VAV2: variants seen among roughly 807,000 people sequenced by gnomAD.
The protein encoded by VAV2 is guanine nucleotide exchange factor VAV2.
VAV2 carries 67 observed loss-of-function variants against 132.5 expected under a neutral mutation model. The observed-to-expected ratio is 0.51, with a 90% CI of 0.42 to 0.62. The LOEUF (loss-of-function observed/expected upper bound fraction) is 0.62, where lower values mean the gene tolerates loss of function less well. Among genes scored for constraint, VAV2 ranks in the 20% least tolerant of loss-of-function variants. VAV2 has a pLI of 0.00. For missense variants in VAV2, 938 were observed against 1,153.6 expected (o/e 0.81, Z 2.71); for synonymous variants, 492 against 443.5 (o/e 1.11, Z -1.37).
intron 23 of VAV2, among the ~76,000 whole-genome samples, chr9:133,776,594 T>C (rs374715666): frequency 1.3e-5 from 2 of 152,066 alleles, no homozygotes; most frequent in Non-Finnish European, 2.9e-5. Context: ...CTATTCACCA[T>C]GCAGATGGGG....
intron 2 of VAV2, among the ~76,000 whole-genome samples, chr9:133,894,376 G>A (rs930677449): frequency 9.2e-5 from 14 of 152,180 alleles, no homozygotes; most frequent in Admixed American, 5.9e-4. Context: ...CAGGAGAGGC[G>A]GCTGGGTGCA....
At position 133,775,066 on chromosome 9, in the gene VAV2, C is replaced by T. The variant is rs773488340; in HGVS notation, c.2019-15G>A. 22 of 1,587,016 alleles carry T rather than the reference C, an allele frequency of 1.4e-5. No individual in the cohort carries two copies. The highest frequency in any genetic ancestry group is 1.7e-4 in the Middle Eastern group (1 of 6,014). On this transcript the variant is annotated splice_polypyrimidine_tract_variant and intron_variant, in intron 24 of 29. Coordinates refer to ENST00000371850, the MANE Select transcript of VAV2 (RefSeq NM_001134398.2). ...TACCTGCAAACCTACAGGAGGGGGCCGGGAGGAAACGAGAGCCGCAGTGAG... is the reference window on the plus strand; with the variant it reads ...TACCTGCAAACCTACAGGAGGGGGCTGGGAGGAAACGAGAGCCGCAGTGAG...
chr9:133,966,864 T>A (rs557555396), intron 1 of VAV2, among the ~76,000 whole-genome samples: 1 of 151,748 alleles, frequency 6.6e-6, no homozygotes, highest in South Asian at 2.1e-4. Flanking sequence ...GTAAACCCTG[T>A]CTCTACTAAA....
At chr9:133,916,908 C>G (rs1163508197) in intron 2 of VAV2, among the ~76,000 whole-genome samples, 1 of 152,154 alleles carries the variant, frequency 6.6e-6, no homozygotes, top group Admixed American at 6.5e-5. Context: ...TCACCCAACC[C>G]CCTCTAAGCC....
In VAV2 at chr9:133,912,348, GA is replaced by G. The variant is rs1795954103; in HGVS notation, c.321+26754del. On this transcript the variant is annotated intron_variant, in intron 2 of 29. Coordinates refer to ENST00000371850, the MANE Select transcript of VAV2 (RefSeq NM_001134398.2). The surrounding 1 kb of genome is among the most constrained non-coding windows in gnomAD (Gnocchi z 4.3). ...GGAACATGAGACCCGGGCTGAACACGAGGCTATGTCCGTCCAAATCCCCACA... is the reference window on the plus strand; with the variant it reads ...GGAACATGAGACCCGGGCTGAACACGGGCTATGTCCGTCCAAATCCCCACA... 6.6e-6 allele frequency among the ~76,000 whole-genome samples: 1 copy of G among 152,144 alleles called. No individual in the cohort carries two copies. Among genetic ancestry groups the G allele is most frequent in the Non-Finnish European group, 1.5e-5 (1 of 68,032 alleles).
At position 133,762,452 on chromosome 9, in the gene VAV2, AC is replaced by A. The variant is rs769796282; in HGVS notation, c.*1609del. ...AAAAACCCCAAAACCAAAACACAAGACCTTTCTGACGACAGTAAACACAGGG... is the reference window on the plus strand; with the variant it reads ...AAAAACCCCAAAACCAAAACACAAGACTTTCTGACGACAGTAAACACAGGG... On this transcript the variant is annotated 3_prime_UTR_variant, in exon 30 of 30. Coordinates refer to ENST00000371850, the MANE Select transcript of VAV2 (RefSeq NM_001134398.2). This position sits in a 1 kb window ranked among gnomAD's most constrained non-coding sequence, Gnocchi z 5.0. The A allele has an allele frequency of 5.3e-5, 8 of 152,264 alleles. No individual in the cohort carries two copies. The highest frequency in any genetic ancestry group is 2.0e-4 in the Admixed American group (3 of 15,270). 9.4% of individuals were successfully genotyped at this position (152,264 alleles called of 1,614,324 possible). A position where few individuals can be genotyped will look rare whatever the true frequency, so the allele number is the denominator to read the frequency against.
At chr9:133,900,805 T>TTATTTATTTATGTATG (rs1554804226) in intron 2 of VAV2, among the ~76,000 whole-genome samples, 1 of 125,558 alleles carries the variant, frequency 8.0e-6, no homozygotes, top group African/African-American at 2.8e-5. Context: ...ATTTATTTAT[T>TTATTTATTTATGTATG]TATGTATTTT....
At chr9:133,830,528 TG>T (rs1269741046) in intron 4 of VAV2, among the ~76,000 whole-genome samples, 1 of 152,218 alleles carries the variant, frequency 6.6e-6, no homozygotes, top group Non-Finnish European at 1.5e-5. Context: ...TGCTGCCATG[TG>T]AAGAAAAGCG....
At chr9:133,818,208 T>C (rs1013967486) in intron 4 of VAV2, among the ~76,000 whole-genome samples, 2 of 149,962 alleles carry the variant, frequency 1.3e-5, no homozygotes, top group Non-Finnish European at 3.0e-5. Flanking sequence ...ACTAAAAAAA[T>C]ACAAAAAATT....
chr9:133,940,001 A>G (rs893126010), intron 1 of VAV2, among the ~76,000 whole-genome samples: 4 of 152,236 alleles, frequency 2.6e-5, no homozygotes, highest in African/African-American at 9.6e-5. Context: ...CGGAACGGCC[A>G]TCTGCCCAGT....
intron 25 of VAV2, 30 bp from the exon 26 acceptor site, chr9:133,772,076 C>CGTGAGGGCCACACGGCCCCGGCGGTCACA: frequency 1.4e-6 from 2 of 1,455,268 alleles, no homozygotes; most frequent in Non-Finnish European, 9.3e-7. Flanking sequence ...CGGCGGTCAC[C>CGTGAGGGCCACACGGCCCCGGCGGTCACA]GCGTGAGGGC....
At chr9:133,984,258 G>A (rs1037187010) in intron 1 of VAV2, among the ~76,000 whole-genome samples, 1 of 151,756 alleles carries the variant, frequency 6.6e-6, no homozygotes, top group Non-Finnish European at 1.5e-5. Flanking sequence ...ACAGGCGTGA[G>A]CCACTGTACC....
In VAV2 at chr9:133,789,247, G is replaced by A. The variant is rs780136892; in HGVS notation, c.1274+11C>T. ...GGACGCCACCCAGCCCACAACACGCGCCCTGCTCACCTGTCCTGCTTGGTG... is the reference window on the plus strand; with the variant it reads ...GGACGCCACCCAGCCCACAACACGCACCCTGCTCACCTGTCCTGCTTGGTG... On this transcript the variant is annotated intron_variant, in intron 14 of 29. Coordinates refer to ENST00000371850, the MANE Select transcript of VAV2 (RefSeq NM_001134398.2). 1.8e-5 allele frequency: 29 copies of A among 1,613,508 alleles called. No individual in the cohort carries two copies. The highest frequency in any genetic ancestry group is 1.6e-4 in the Middle Eastern group (1 of 6,062).
At chr9:133,982,586 G>A (rs867993013) in intron 1 of VAV2, among the ~76,000 whole-genome samples, 9 of 152,170 alleles carry the variant, frequency 5.9e-5, no homozygotes, top group Admixed American at 1.3e-4. Flanking sequence ...GCAGGAGGGC[G>A]CGGCAGACTC....
intron 2 of VAV2, among the ~76,000 whole-genome samples, chr9:133,886,029 G>A (rs926616720): frequency 1.7e-4 from 26 of 152,180 alleles, no homozygotes; most frequent in African/African-American, 5.1e-4. Context: ...TCCCATCTCC[G>A]TACTGACAGC....
intron 2 of VAV2, among the ~76,000 whole-genome samples, chr9:133,915,818 TCA>T (rs532235696): frequency 0.12 from 3,936 of 32,698 alleles, 171 homozygotes; most frequent in African/African-American, 0.22. Flanking sequence ...ACACATGCAC[TCA>T]CACACGCACA....
At position 133,769,364 on chromosome 9, in the gene VAV2, C is replaced by T. The variant is rs1833538735; in HGVS notation, c.2434+53G>A. 1.3e-6 allele frequency: 2 copies of T among 1,555,812 alleles called. No individual in the cohort carries two copies. Reference sequence around the variant, plus strand: ...AGTGGGCAGCTCCGTGCTGGGTCTCCCAAGGCAGCTGCCACAGGCCCGGTC... The same window carrying T: ...AGTGGGCAGCTCCGTGCTGGGTCTCTCAAGGCAGCTGCCACAGGCCCGGTC... On this transcript the variant is annotated intron_variant, in intron 28 of 29. Transcript: ENST00000371850. The surrounding 1 kb of genome is among the most constrained non-coding windows in gnomAD (Gnocchi z 8.1).
intron 1 of VAV2, among the ~76,000 whole-genome samples, chr9:133,984,907 C>CAAAAAAAAAAAAAAAAAAAAAA (rs35866348): frequency 7.8e-6 from 1 of 128,810 alleles, no homozygotes. Flanking sequence ...GGCCCTATCT[C>CAAAAAAAAAAAAAAAAAAAAAA]AAAAAAAAAA....
intron 1 of VAV2, among the ~76,000 whole-genome samples, chr9:133,943,111 AG>A (rs57099166): frequency 0.028 from 4,236 of 152,360 alleles, 180 homozygotes; most frequent in African/African-American, 0.084. Context: ...GACATCGGCC[AG>A]GGCAAAGGCC....
Sources: allele counts gnomAD v4.1 joint callset (sites outside exome capture counted in the v4.1 genomes callset), GRCh38; gene constraint gnomAD v4.1.1; non-coding constraint Gnocchi (gnomAD v3.1); transcripts MANE v1.5; gene names NCBI Gene and HGNC (gene_info 2026-07-23, HGNC 2026-07-21).